CDH13: variants seen among roughly 807,000 people sequenced by gnomAD.
CDH13 encodes cadherin-13.
A neutral mutation model predicts 63.8 loss-of-function variants in CDH13; 24 were observed. The observed-to-expected ratio is 0.38, with a 90% CI of 0.27 to 0.53. The LOEUF is 0.53. Ranked by LOEUF, CDH13 falls within the 20% of genes least tolerant of loss-of-function variation. The pLI is 0.85. For synonymous variants in CDH13, 503 were observed against 355.3 expected, an observed-to-expected ratio of 1.42 and a Z score of -4.67; for missense variants, 1,049 against 903.1, an observed-to-expected ratio of 1.16 and a Z score of -2.07.
chr16:83,442,401 G>T (rs2072504688), intron 6 of CDH13, among the ~76,000 whole-genome samples: 1 of 152,112 alleles, frequency 6.6e-6, no homozygotes, highest in Non-Finnish European at 1.5e-5. Flanking sequence ...TGGTGATTCA[G>T]CCAAAGACCC....
At chr16:82,841,032 T>A (rs1430151020) in intron 1 of CDH13, among the ~76,000 whole-genome samples, 2 of 152,172 alleles carry the variant, frequency 1.3e-5, no homozygotes, top group African/African-American at 4.8e-5. Context: ...GCAGTGCAAC[T>A]GTGATGACAG....
intron 4 of CDH13, among the ~76,000 whole-genome samples, chr16:83,140,176 C>T (rs890139773): frequency 3.9e-5 from 6 of 152,162 alleles, no homozygotes; most frequent in African/African-American, 1.4e-4. Context: ...GTTAACATTC[C>T]AACAAGCCTC....
chr16:83,553,559 T>C (rs372284367), intron 7 of CDH13, among the ~76,000 whole-genome samples: 3 of 152,148 alleles, frequency 2.0e-5, no homozygotes, highest in South Asian at 4.1e-4. Context: ...TTTTTGTTGT[T>C]GTTGTATTTT....
chr16:83,107,500 A>G (rs899700729), intron 3 of CDH13, among the ~76,000 whole-genome samples: 4 of 152,250 alleles, frequency 2.6e-5, no homozygotes, highest in African/African-American at 9.6e-5. Flanking sequence ...TTTCCAGTAC[A>G]GGACAAGTTC....
intron 2 of CDH13, among the ~76,000 whole-genome samples, chr16:82,957,785 C>T (rs559465197): frequency 6.6e-6 from 1 of 152,220 alleles, no homozygotes; most frequent in South Asian, 2.1e-4. Flanking sequence ...AAATATCTGG[C>T]CAATGATTAG....
At chr16:83,262,140 T>C (rs1358007291) in intron 5 of CDH13, among the ~76,000 whole-genome samples, 1 of 152,292 alleles carries the variant, frequency 6.6e-6, no homozygotes, top group East Asian at 1.9e-4. Flanking sequence ...TTATTGTCTT[T>C]TAATATTCAG....
intron 3 of CDH13, among the ~76,000 whole-genome samples, chr16:83,073,354 T>TGTGTGTGAGAGA (rs1311548254): frequency 9.3e-5 from 13 of 139,754 alleles, no homozygotes; most frequent in African/African-American, 3.6e-4. Flanking sequence ...TGTGTGTGTG[T>TGTGTGTGAGAGA]GAGAGAGAGA....
chr16:83,275,872 A>G (rs796980409), intron 5 of CDH13, among the ~76,000 whole-genome samples: 1 of 152,202 alleles, frequency 6.6e-6, no homozygotes, highest in African/African-American at 2.4e-5. Flanking sequence ...TGAGCCATGA[A>G]AACTGCCCTG....
chr16:82,842,645 G>C (rs982334854), intron 1 of CDH13, among the ~76,000 whole-genome samples: 1 of 151,994 alleles, frequency 6.6e-6, no homozygotes, highest in Non-Finnish European at 1.5e-5. Flanking sequence ...CATGTACCAG[G>C]GACATGGGGG....
chr16:83,636,709 T>G (rs1911295694), intron 8 of CDH13, among the ~76,000 whole-genome samples: 1 of 152,196 alleles, frequency 6.6e-6, no homozygotes, highest in Non-Finnish European at 1.5e-5. Flanking sequence ...TGTATAGTGC[T>G]GCAATGGATA....
intron 5 of CDH13, among the ~76,000 whole-genome samples, chr16:83,259,483 A>C (rs550705358): frequency 7.9e-5 from 12 of 152,200 alleles, no homozygotes; most frequent in Non-Finnish European, 1.5e-4. Flanking sequence ...GGAGTTCTCG[A>C]CGTTCGTTTT....
At chr16:83,497,106 T>C (rs1017788100) in intron 7 of CDH13, among the ~76,000 whole-genome samples, 12 of 152,178 alleles carry the variant, frequency 7.9e-5, no homozygotes, top group Non-Finnish European at 1.5e-4. Context: ...AGTGTGGCGT[T>C]TCCTCAGGGA....
chr16:83,794,247 T>C (rs571495457), intron 13 of CDH13, among the ~76,000 whole-genome samples: 76 of 152,316 alleles, frequency 5.0e-4, no homozygotes, highest in African/African-American at 1.8e-3. Context: ...CAACAGGAAA[T>C]TAACATACCA....
intron 4 of CDH13, among the ~76,000 whole-genome samples, chr16:83,216,474 CAT>C (rs1343393991): frequency 1.0e-5 from 1 of 98,182 alleles, no homozygotes; most frequent in Admixed American, 1.3e-4. Flanking sequence ...TTATATATAA[CAT>C]ATATATTTTA....
intron 11 of CDH13, among the ~76,000 whole-genome samples, chr16:83,765,680 T>C (rs1374049814): frequency 6.6e-6 from 1 of 152,166 alleles, no homozygotes; most frequent in African/African-American, 2.4e-5. Context: ...ATAGAGCTGA[T>C]TTGTAAAATA....
rs184798968 is a variant in CDH13 at position 83,748,940 on chromosome 16, G to A, written c.1681+690G>A. On this transcript the variant is annotated intron_variant, in intron 11 of 13. Coordinates refer to ENST00000567109, the MANE Select transcript of CDH13 (RefSeq NM_001257.5). ...AAGGAGGGCAACCTCTTAGGAGAGTGCATGGTAATCTATGCAAGATGGTGG... is the reference window on the plus strand; with the variant it reads ...AAGGAGGGCAACCTCTTAGGAGAGTACATGGTAATCTATGCAAGATGGTGG... Among the ~76,000 whole-genome samples the A allele has an allele frequency of 7.2e-5, 11 of 152,298 alleles. No individual in the cohort carries two copies. In the East Asian group the frequency reaches 1.9e-3, roughly 27 times the overall value.
At chr16:83,311,355 C>T (rs1366621506) in intron 5 of CDH13, among the ~76,000 whole-genome samples, 3 of 152,194 alleles carry the variant, frequency 2.0e-5, no homozygotes, top group Non-Finnish European at 2.9e-5. Context: ...AAGTAAAAGT[C>T]GTTATATTTT....
rs533305363 is a variant in CDH13 at position 83,003,098 on chromosome 16, A to C, written c.158-28912A>C. Among the ~76,000 whole-genome samples the C allele has an allele frequency of 3.9e-5, 6 of 152,312 alleles. No homozygotes were observed. The South Asian group carries it at 1.2e-3, about 32-fold the overall frequency. On this transcript the variant is annotated intron_variant, in intron 2 of 13. Transcript: ENST00000567109. ...GGAATCTTAATTTGATGCCAACCCC[A>C]GTGTCCTTTCCCCAACACTGGAATG...
At chr16:83,239,062 C>T (rs892935636) in intron 5 of CDH13, among the ~76,000 whole-genome samples, 51 of 152,190 alleles carry the variant, frequency 3.4e-4, no homozygotes, top group Admixed American at 3.2e-3. Flanking sequence ...AAGAAGCTAA[C>T]ACTCACTGTT....
Sources: allele counts gnomAD v4.1 joint callset (sites outside exome capture counted in the v4.1 genomes callset), GRCh38; gene constraint gnomAD v4.1.1; transcripts MANE v1.5; gene names NCBI Gene and HGNC (gene_info 2026-07-23, HGNC 2026-07-21).